The following DCAF7 variants were observed in gnomAD, a reference collection of about 807,000 sequenced individuals.
DCAF7 encodes the protein DDB1- and CUL4-associated factor 7.
Under a neutral mutation model 41.2 loss-of-function variants are expected in DCAF7, and 4 were observed. The ratio of observed to expected loss-of-function variants is 0.10; its 90% CI spans 0.05 to 0.22. The LOEUF (loss-of-function observed/expected upper bound fraction) is 0.22. DCAF7 is among the 10% of genes least tolerant of loss of function. The probability of loss-of-function intolerance (pLI) is 1.00; values close to 1 mark genes in which losing one functional copy is unlikely to be tolerated. For missense variants in DCAF7, 131 were observed against 443.2 expected, an observed-to-expected ratio of 0.30 and a Z score of 6.32; for synonymous variants, 143 against 164.2, an observed-to-expected ratio of 0.87 and a Z score of 0.99.
At chr17:63,577,620 A>G (rs1218273930) in intron 1 of DCAF7, among the ~76,000 whole-genome samples, 2 of 152,188 alleles carry the variant, frequency 1.3e-5, no homozygotes, top group African/African-American at 4.8e-5. Context: ...TCAAACGGTC[A>G]TTTGACATAC....
intron 1 of DCAF7, among the ~76,000 whole-genome samples, chr17:63,573,870 T>C (rs1331649673): frequency 6.6e-6 from 1 of 152,168 alleles, no homozygotes; most frequent in African/African-American, 2.4e-5. Context: ...ATTTTTCCCC[T>C]GTTCCCCTCT....
Position 63,585,297 on chromosome 17 carries a change from C to T in DCAF7, c.825C>T (p.Ala275=), listed in dbSNP as rs1314501149. 1.2e-6 allele frequency: 2 copies of T among 1,613,982 alleles called. No individual in the cohort carries two copies. The highest frequency in any genetic ancestry group is 1.7e-6 in the Non-Finnish European group (2 of 1,179,892). Residue 275 remains alanine (A), a synonymous_variant, in exon 6 of 7, where the codon GCC becomes GCT. Transcript: ENST00000614556. ...CATGTGTCAATGGCATTGCTTGGGC[C>T]CCACATTCATCCTGCCACATCTGCA... ...HRACVNGIAW[A]PHSSCHICTA...
rs571737543 is a variant in DCAF7 at position 63,593,932 on chromosome 17, T to C, written c.*4760T>C. 2.0e-5 allele frequency: 3 copies of C among 152,776 alleles called. No homozygotes were observed. The highest frequency in any genetic ancestry group is 6.5e-5 in the Admixed American group (1 of 15,290). 9.5% of individuals were successfully genotyped at this position (152,776 alleles called of 1,614,324 possible). A position where few individuals can be genotyped will look rare whatever the true frequency, so the allele number is the denominator to read the frequency against. ...ATATTTAAACTTTCCCTCTATATTA[T>C]AGGTTTTGTGGCATCCACGGTCAGG... On this transcript the variant is annotated 3_prime_UTR_variant, in exon 7 of 7. Coordinates refer to ENST00000614556, the MANE Select transcript of DCAF7 (RefSeq NM_005828.5).
At chr17:63,556,054 C>T (rs1015217387) in intron 1 of DCAF7, among the ~76,000 whole-genome samples, 8 of 152,158 alleles carry the variant, frequency 5.3e-5, no homozygotes, top group African/African-American at 1.4e-4. Context: ...GGTAATCAGT[C>T]AGGAAGAGGC....
chr17:63,567,677 T>C (rs552070962), intron 1 of DCAF7, among the ~76,000 whole-genome samples: 2 of 152,234 alleles, frequency 1.3e-5, no homozygotes, highest in African/African-American at 4.8e-5. Context: ...TTTTCCCCCC[T>C]AAGACAAGGT....
At chr17:63,587,326 CTTT>C (rs58017577) in intron 6 of DCAF7, among the ~76,000 whole-genome samples, 1 of 144,258 alleles carries the variant, frequency 6.9e-6, no homozygotes. Context: ...TTATTGCCCT[CTTT>C]TTTTTTTTTT....
chr17:63,551,511 G>C (rs1178103048), intron 1 of DCAF7, among the ~76,000 whole-genome samples: 1 of 152,126 alleles, frequency 6.6e-6, no homozygotes, highest in Admixed American at 6.6e-5. Flanking sequence ...ACCTTTAGTA[G>C]TAAGTCTTGC....
chr17:63,559,870 C>G (rs150184793), intron 1 of DCAF7, among the ~76,000 whole-genome samples: 2 of 151,786 alleles, frequency 1.3e-5, no homozygotes. Context: ...CTGTAAAACA[C>G]GGGAGAATCT....
At chr17:63,561,472 C>T (rs182069024) in intron 1 of DCAF7, among the ~76,000 whole-genome samples, 19 of 152,184 alleles carry the variant, frequency 1.2e-4, no homozygotes, top group Admixed American at 6.6e-5. Context: ...GTAATCCCAG[C>T]GCTTTGGGAG....
At chr17:63,576,027 A>T (rs2033558041) in intron 1 of DCAF7, among the ~76,000 whole-genome samples, 1 of 152,258 alleles carries the variant, frequency 6.6e-6, no homozygotes, top group Admixed American at 6.5e-5. Flanking sequence ...AACAGAATAG[A>T]GTCCAGAAAT....
At chr17:63,565,437 T>C (rs2033430058) in intron 1 of DCAF7, among the ~76,000 whole-genome samples, 1 of 151,838 alleles carries the variant, frequency 6.6e-6, no homozygotes, top group Non-Finnish European at 1.5e-5. Flanking sequence ...TAGCTGGGCG[T>C]GGTGGTGCAT....
At chr17:63,557,114 G>A (rs748287687) in intron 1 of DCAF7, among the ~76,000 whole-genome samples, 1 of 152,168 alleles carries the variant, frequency 6.6e-6, no homozygotes, top group African/African-American at 2.4e-5. Context: ...TGGAAAATAA[G>A]TGGCAGATAA....
intron 1 of DCAF7, among the ~76,000 whole-genome samples, chr17:63,553,274 GA>G (rs35815784): frequency 4.0e-5 from 6 of 151,504 alleles, no homozygotes; most frequent in Non-Finnish European, 5.9e-5. Context: ...GCTGTGGTGG[GA>G]AAAAAAAATT....
At chr17:63,580,261 A>G (rs1194747510) in intron 4 of DCAF7, among the ~76,000 whole-genome samples, 1 of 152,166 alleles carries the variant, frequency 6.6e-6, no homozygotes, top group Non-Finnish European at 1.5e-5. Context: ...ATAACTTTAG[A>G]GTAATACTTA....
chr17:63,569,004 T>C (rs1444648722), intron 1 of DCAF7, among the ~76,000 whole-genome samples: 1 of 152,224 alleles, frequency 6.6e-6, no homozygotes, highest in Non-Finnish European at 1.5e-5. Context: ...TTCAAACACC[T>C]GTGTCAATCT....
intron 1 of DCAF7, among the ~76,000 whole-genome samples, chr17:63,558,753 G>A (rs1212752461): frequency 6.6e-6 from 1 of 152,122 alleles, no homozygotes; most frequent in Non-Finnish European, 1.5e-5. Flanking sequence ...ACCATACCTG[G>A]CCAAAAATAC....
rs1325306392 is a variant in DCAF7, at chr17:63,589,310, C to G, written c.*138C>G. 8.4e-7 allele frequency: 1 copy of G among 1,194,666 alleles called. No homozygotes were observed. The highest frequency in any genetic ancestry group is 1.5e-5 in the African/African-American group (1 of 66,546). 74.0% of individuals were successfully genotyped at this position (1,194,666 alleles called of 1,614,324 possible). A position where few individuals can be genotyped will look rare whatever the true frequency, so the allele number is the denominator to read the frequency against. On this transcript the variant is annotated 3_prime_UTR_variant, in exon 7 of 7. Transcript: ENST00000614556. The stretch of plus-strand genomic sequence containing the variant: ...GCACCCACTGTTACCAGAAGCTGCT[C>G]TAGGAGTTCCTGGCCAGTCACCCCA...
intron 1 of DCAF7, among the ~76,000 whole-genome samples, chr17:63,552,092 G>T (rs1374233141): frequency 1.3e-5 from 2 of 151,502 alleles, no homozygotes; most frequent in African/African-American, 4.9e-5. Flanking sequence ...AAAAAAAGAA[G>T]AATAAAACTG....
At chr17:63,579,715 A>C in intron 3 of DCAF7, 110 bp from the exon 4 acceptor site, 1 of 938,426 alleles carries the variant, frequency 1.1e-6, no homozygotes, top group Non-Finnish European at 1.6e-6. Flanking sequence ...TGTTTTCTGT[A>C]GTCTTTATGG....
Sources: gnomAD v4.1 joint callset for allele counts (sites outside exome capture counted in the v4.1 genomes callset) on GRCh38, gnomAD v4.1.1 for gene constraint, MANE v1.5 for transcripts, NCBI Gene and HGNC (gene_info 2026-07-23, HGNC 2026-07-21) for gene names.